The following DDRGK1 variants were observed in gnomAD, a reference collection of about 807,000 sequenced individuals.
DDRGK1 encodes the protein DDRGK domain-containing protein 1.
In DDRGK1, 38 loss-of-function variants were observed where a neutral mutation model predicts 45.8. That is an observed-to-expected ratio of 0.83 (90% confidence interval 0.64 to 1.09). The LOEUF (loss-of-function observed/expected upper bound fraction) is 1.09. Among genes scored for constraint, DDRGK1 ranks in the 50% least tolerant of loss-of-function variants. The probability of loss-of-function intolerance (pLI) is 0.00; values close to 1 mark genes in which losing one functional copy is unlikely to be tolerated. For synonymous variants in DDRGK1, 171 were observed against 168.7 expected, an observed-to-expected ratio of 1.01 and a Z score of -0.11; for missense variants, 403 against 419.9, an observed-to-expected ratio of 0.96 and a Z score of 0.35.
rs1378050908 is a variant in DDRGK1, at chr20:3,202,588, G to A, written c.295+625C>T. ...GTGCAGCAAGGGTCTCTGAACCCAA[G>A]TCTGAGCCAGAAGGTACGGCAAAGA... On this transcript the variant is annotated intron_variant, in intron 2 of 8. Coordinates refer to ENST00000354488, the MANE Select transcript of DDRGK1 (RefSeq NM_023935.3). Among the ~76,000 whole-genome samples the A allele has an allele frequency of 5.3e-5, 8 of 152,320 alleles. No individual in the cohort carries two copies. In the South Asian group the frequency reaches 1.0e-3, roughly 20 times the overall value.
chr20:3,190,893 T>A, intron 8 of DDRGK1, 74 bp from the exon 9 acceptor site: 2 of 1,520,716 alleles, frequency 1.3e-6, no homozygotes, highest in East Asian at 2.4e-5. Context: ...GCCCACCTAC[T>A]CCTTCACAGC....
chr20:3,194,287 G>A (rs959205861), intron 6 of DDRGK1, among the ~76,000 whole-genome samples: 6 of 152,188 alleles, frequency 3.9e-5, no homozygotes, highest in African/African-American at 1.2e-4. Context: ...TGGGAGAGAA[G>A]TTGCTTAGCA....
intron 4 of DDRGK1, among the ~76,000 whole-genome samples, chr20:3,197,504 A>G (rs2067016580): frequency 6.6e-6 from 1 of 152,226 alleles, no homozygotes; most frequent in African/African-American, 2.4e-5. Context: ...CATATTTGGT[A>G]TGTTGCATTG....
chr20:3,190,560 C>T lies in DDRGK1; in HGVS notation c.*93G>A, dbSNP rs2066984842. ...GGCCTTTAATCTATAACTGCCTGGCCACACCATCACTTCCCCAGGATGGTG... is the reference window on the plus strand; with the variant it reads ...GGCCTTTAATCTATAACTGCCTGGCTACACCATCACTTCCCCAGGATGGTG... On this transcript the variant is annotated 3_prime_UTR_variant, in exon 9 of 9. Transcript: ENST00000354488. The T allele has an allele frequency of 6.7e-7, 1 of 1,498,802 alleles. No individual in the cohort carries two copies. Among genetic ancestry groups the T allele is most frequent in the Non-Finnish European group, 9.1e-7 (1 of 1,099,822 alleles). The allele number at this position is 1,498,802 out of a possible 1,614,324, so 92.8% of individuals were successfully genotyped here.
intron 6 of DDRGK1, among the ~76,000 whole-genome samples, 181 bp downstream of exon 6, chr20:3,194,649 C>G (rs2067002186): frequency 1.3e-5 from 2 of 152,262 alleles, no homozygotes. Context: ...TCCTTCTCCA[C>G]CTTCGGGGTT....
At chr20:3,202,186 C>A (rs2067043264) in intron 2 of DDRGK1, among the ~76,000 whole-genome samples, 1 of 151,564 alleles carries the variant, frequency 6.6e-6, no homozygotes, top group South Asian at 2.1e-4. Flanking sequence ...GATCTCCTGA[C>A]CTCGTGATCC....
intron 2 of DDRGK1, 121 bp from the exon 3 acceptor site, chr20:3,200,575 A>C: frequency 1.2e-6 from 1 of 823,860 alleles, no homozygotes; most frequent in Non-Finnish European, 2.0e-6. Context: ...TGCAAATGTC[A>C]CTAGCCCAGC....
In DDRGK1 at chr20:3,200,103, C is replaced by A; in HGVS notation, c.409-1G>T. 6.2e-7 allele frequency: 1 copy of A among 1,613,100 alleles called. No homozygotes were observed. The highest frequency in any genetic ancestry group is 8.5e-7 in the Non-Finnish European group (1 of 1,179,612). The stretch of plus-strand genomic sequence containing the variant: ...GCTCCTCACGTTCAGCCTCCTCTGC[C>A]TGGAGAGAGGTCTTCATAGGGGCAC... On this transcript the variant is annotated splice_acceptor_variant, in intron 3 of 8. Transcript: ENST00000354488. LOFTEE classifies it high-confidence loss of function.
chr20:3,191,088 C>G (rs1313418859), intron 8 of DDRGK1, 102 bp downstream of exon 8: 7 of 1,474,428 alleles, frequency 4.7e-6, no homozygotes, highest in East Asian at 2.3e-5. Flanking sequence ...CCCCTCCCCC[C>G]ATCTTGGGTG....
chr20:3,190,794 G>C lies in DDRGK1; in HGVS notation c.804C>G (p.Phe268Leu). The C allele has an allele frequency of 6.2e-7, 1 of 1,613,532 alleles. No individual in the cohort carries two copies. The highest frequency in any genetic ancestry group is 8.5e-7 in the Non-Finnish European group (1 of 1,179,756). ...ITGVIDDRGK[F>L]IYITPEELAA... ...CCAGTTCCTCTGGGGTTATGTAGAT[G>C]AACTTGCCCCGGTCGTCAATCACAC... The change falls in exon 9 of 9, where the codon TTC becomes TTG. Residue 268 changes from phenylalanine to leucine, a missense_variant. By Grantham distance (22) the Phe-to-Leu change is conservative (BLOSUM62 0). Coordinates refer to ENST00000354488, the MANE Select transcript of DDRGK1 (RefSeq NM_023935.3).
intron 2 of DDRGK1, among the ~76,000 whole-genome samples, 171 bp from the exon 3 acceptor site, chr20:3,200,625 G>T (rs947425174): frequency 6.6e-6 from 1 of 152,234 alleles, no homozygotes; most frequent in African/African-American, 2.4e-5. Flanking sequence ...GCGTGTGTGT[G>T]TGTGCATGAA....
chr20:3,203,331 T>C lies in DDRGK1; in HGVS notation c.177A>G (p.Arg59=). The C allele has an allele frequency of 6.2e-7, 1 of 1,609,022 alleles. No individual in the cohort carries two copies. Residue 59 remains arginine, a synonymous_variant, in exon 2 of 9, where the codon AGA becomes AGG. Coordinates refer to ENST00000354488, the MANE Select transcript of DDRGK1 (RefSeq NM_023935.3). ...TCCGGCGCCGAGGCCTGCCTCCAGC[T>C]CTCGGCTCCTCAGGCTCCAGGGGCC... The part of the protein sequence containing the change: ...QPGPLEPEEP[R]AGGRPRRRRD...
At position 3,204,640 on chromosome 20, in the gene DDRGK1, A is replaced by G; in HGVS notation, c.-13T>C. ...CAGGCGCCACCATGACGAGGGCCTC[A>G]GTGCAGAACCACTGCGTCCACCCTG... On this transcript the variant is annotated 5_prime_UTR_variant, in exon 1 of 9. Transcript: ENST00000354488. The G allele has an allele frequency of 1.3e-6, 2 of 1,571,716 alleles. No individual in the cohort carries two copies. Among genetic ancestry groups the G allele is most frequent in the Non-Finnish European group, 8.6e-7 (1 of 1,162,944 alleles).
At chr20:3,203,629 G>A (rs543672399) in intron 1 of DDRGK1, among the ~76,000 whole-genome samples, 1 of 152,324 alleles carries the variant, frequency 6.6e-6, no homozygotes, top group African/African-American at 2.4e-5. Flanking sequence ...GGGCCTGTGT[G>A]AATACTCCTC....
intron 4 of DDRGK1, among the ~76,000 whole-genome samples, chr20:3,196,493 C>T (rs34780584): frequency 0.072 from 10,505 of 145,208 alleles, 678 homozygotes; most frequent in African/African-American, 0.16. Context: ...CTGGCTAACA[C>T]GGTGAAACCC....
chr20:3,201,561 T>C (rs2067039678), intron 2 of DDRGK1, among the ~76,000 whole-genome samples: 3 of 151,716 alleles, frequency 2.0e-5, no homozygotes, highest in African/African-American at 7.3e-5. Context: ...TGCAAGTGTC[T>C]CGGGGTCACA....
In DDRGK1 at chr20:3,200,020, C is replaced by T. The variant is rs35327491; in HGVS notation, c.491G>A (p.Arg164His). The T allele has an allele frequency of 5.0e-5, 80 of 1,612,594 alleles. No individual in the cohort carries two copies. The highest frequency in any genetic ancestry group is 6.0e-5 in the Non-Finnish European group (71 of 1,179,496). Residue 164 changes from arginine to histidine, a missense_variant, in exon 4 of 9, where the codon CGC becomes CAC. Transcript: ENST00000354488. ...AEWKKEEERL[R>H]LEEEQKEEEE... Reference sequence around the variant, plus strand: ...CCTCACCTTCTGCTCCTCCTCCAGGCGAAGCCGCTCCTCCTCCTTCTTCCA... The same window carrying T: ...CCTCACCTTCTGCTCCTCCTCCAGGTGAAGCCGCTCCTCCTCCTTCTTCCA...
intron 2 of DDRGK1, among the ~76,000 whole-genome samples, chr20:3,202,863 C>T (rs1054260017): frequency 6.6e-6 from 1 of 152,234 alleles, no homozygotes; most frequent in Non-Finnish European, 1.5e-5. Flanking sequence ...ACTCCAGGAA[C>T]TGCAGAAACT....
intron 2 of DDRGK1, among the ~76,000 whole-genome samples, chr20:3,201,883 C>T (rs2122241188): frequency 6.6e-6 from 1 of 152,186 alleles, no homozygotes; most frequent in East Asian, 1.9e-4. Flanking sequence ...AGGATGGTCT[C>T]AATCTCCTGA....
Sources: allele counts gnomAD v4.1 joint callset (sites outside exome capture counted in the v4.1 genomes callset), GRCh38; gene constraint gnomAD v4.1.1; transcripts MANE v1.5; gene names NCBI Gene and HGNC (gene_info 2026-07-23, HGNC 2026-07-21).